Variants in NUTF2 observed in about 807,000 individuals in gnomAD.
The protein encoded by NUTF2 is nuclear transport factor 2.
NUTF2 carries 3 observed loss-of-function variants against 18.5 expected under a neutral mutation model. The observed-to-expected ratio is 0.16, with a 90% CI of 0.07 to 0.42. NUTF2 has a LOEUF of 0.42. Ranked by LOEUF, NUTF2 falls within the 10% of genes least tolerant of loss-of-function variation. The pLI is 0.99. For missense variants in NUTF2, 44 were observed against 160.7 expected (o/e 0.27, Z 3.93); for synonymous variants, 51 against 57.9 (o/e 0.88, Z 0.54).
intron 1 of NUTF2, among the ~76,000 whole-genome samples, chr16:67,859,867 T>G (rs886543939): frequency 1.1e-4 from 15 of 142,300 alleles, no homozygotes; most frequent in African/African-American, 3.8e-4. Flanking sequence ...ATGCCGTGGG[T>G]CGTTCTTAGC....
chr16:67,858,428 A>T (rs1420416712), intron 1 of NUTF2, among the ~76,000 whole-genome samples: 1 of 152,148 alleles, frequency 6.6e-6, no homozygotes, highest in African/African-American at 2.4e-5. Flanking sequence ...CAGCCTCCCA[A>T]AGTGCTGGGA....
intron 1 of NUTF2, among the ~76,000 whole-genome samples, chr16:67,853,081 C>CA (rs1814445333): frequency 6.6e-6 from 1 of 151,632 alleles, no homozygotes; most frequent in South Asian, 2.1e-4. Flanking sequence ...ACTCTTTTAC[C>CA]AACAGTGAGA....
intron 1 of NUTF2, among the ~76,000 whole-genome samples, chr16:67,863,548 C>T (rs2151299126): frequency 6.6e-6 from 1 of 152,298 alleles, no homozygotes; most frequent in South Asian, 2.1e-4. Context: ...GAGCTGAGGG[C>T]TTTATCATGT....
At chr16:67,868,648 G>T (rs765177155) in intron 4 of NUTF2, 49 bp downstream of exon 4, 5 of 1,528,592 alleles carry the variant, frequency 3.3e-6, no homozygotes, top group Non-Finnish European at 4.5e-6. Context: ...GCAGAGGAGA[G>T]TCTTGTACCC....
At chr16:67,868,726 G>A (rs1020563937) in intron 4 of NUTF2, 127 bp downstream of exon 4, 11 of 826,504 alleles carry the variant, frequency 1.3e-5, no homozygotes, top group Admixed American at 4.7e-5. Context: ...CTAGAGCTGC[G>A]TAGTTCAGTA....
chr16:67,859,967 T>C, intron 1 of NUTF2, among the ~76,000 whole-genome samples: 1 of 151,264 alleles, frequency 6.6e-6, no homozygotes, highest in East Asian at 1.9e-4. Context: ...CATGGCCAGA[T>C]ATTTTATTAT....
Position 67,865,082 on chromosome 16 carries a change from TG to T in NUTF2, c.-29-18del. The stretch of plus-strand genomic sequence containing the variant: ...TCTCATGGTACCAATGCTTCCCTCC[TG>T]GTCTCATTGGTCTTGCAGGTCTCCG... On this transcript the variant is annotated intron_variant, in intron 1 of 4. Transcript: ENST00000219169. 1 of 1,262,580 alleles carries T rather than the reference TG, an allele frequency of 7.9e-7. No individual in the cohort carries two copies. The highest frequency in any genetic ancestry group is 1.2e-6 in the Non-Finnish European group (1 of 865,226). The allele number at this position is 1,262,580 out of a possible 1,614,324, so 78.2% of individuals were successfully genotyped here.
chr16:67,865,071 T>C (rs1834712761), intron 1 of NUTF2, 31 bp from the exon 2 acceptor site: 1 of 1,168,496 alleles, frequency 8.6e-7, no homozygotes, highest in Non-Finnish European at 1.3e-6. Flanking sequence ...ATGGTACCAA[T>C]GCTTCCCTCC....
At chr16:67,861,607 G>A (rs749965797) in intron 1 of NUTF2, among the ~76,000 whole-genome samples, 1 of 152,186 alleles carries the variant, frequency 6.6e-6, no homozygotes, top group Non-Finnish European at 1.5e-5. Flanking sequence ...GGTCATCAGA[G>A]TCTTTTCTGC....
At chr16:67,860,407 T>G (rs1453342791) in intron 1 of NUTF2, among the ~76,000 whole-genome samples, 1 of 152,198 alleles carries the variant, frequency 6.6e-6, no homozygotes, top group Non-Finnish European at 1.5e-5. Flanking sequence ...CCTGAGTAGC[T>G]GAGACTAAAG....
intron 1 of NUTF2, among the ~76,000 whole-genome samples, chr16:67,857,179 T>C (rs2057903576): frequency 6.6e-6 from 1 of 152,202 alleles, no homozygotes; most frequent in Non-Finnish European, 1.5e-5. Context: ...TGAGGCTCAG[T>C]TCACAGATGG....
intron 1 of NUTF2, among the ~76,000 whole-genome samples, chr16:67,860,980 G>A (rs1319269309): frequency 1.3e-5 from 2 of 152,238 alleles, no homozygotes; most frequent in African/African-American, 4.8e-5. Context: ...TTCTGCCTGA[G>A]GCCTTTGTTT....
intron 1 of NUTF2, chr16:67,855,887 C>CG (rs796843812): frequency 0.044 from 8,122 of 185,192 alleles, 108 homozygotes; most frequent in African/African-American, 0.08. Context: ...TTTTTTTTGG[C>CG]GGGGGGGGGG....
At chr16:67,848,220 C>T (rs1464648629) in intron 1 of NUTF2, among the ~76,000 whole-genome samples, 1 of 152,130 alleles carries the variant, frequency 6.6e-6, no homozygotes, top group South Asian at 2.1e-4. Context: ...CAGAGAAGAC[C>T]TTGGGACTAG....
intron 1 of NUTF2, among the ~76,000 whole-genome samples, chr16:67,851,748 G>A (rs1312847542): frequency 6.6e-6 from 1 of 152,070 alleles, no homozygotes; most frequent in East Asian, 1.9e-4. Context: ...GGGCGCAGTG[G>A]CTCACGCCTG....
intron 1 of NUTF2, among the ~76,000 whole-genome samples, chr16:67,863,204 G>T (rs2057946425): frequency 6.6e-6 from 1 of 152,196 alleles, no homozygotes; most frequent in Admixed American, 6.5e-5. Flanking sequence ...CCCACTTGTT[G>T]ATTTCTTTCT....
chr16:67,856,186 AG>A, intron 1 of NUTF2: 1 of 321,848 alleles, frequency 3.1e-6, no homozygotes. Context: ...CATCTCGGCC[AG>A]TTTTTTTTTG....
chr16:67,866,268 T>G (rs552745682), intron 2 of NUTF2, among the ~76,000 whole-genome samples: 1 of 152,112 alleles, frequency 6.6e-6, no homozygotes, highest in Non-Finnish European at 1.5e-5. Flanking sequence ...GGAAGACCAA[T>G]TCCAGCACAG....
intron 1 of NUTF2, among the ~76,000 whole-genome samples, chr16:67,854,915 C>G (rs913809656): frequency 5.9e-5 from 9 of 152,026 alleles, no homozygotes; most frequent in African/African-American, 2.2e-4. Context: ...GCACTCCAGC[C>G]TGGGCGACAA....
Sources: allele counts gnomAD v4.1 joint callset (sites outside exome capture counted in the v4.1 genomes callset), GRCh38; gene constraint gnomAD v4.1.1; transcripts MANE v1.5; gene names NCBI Gene and HGNC (gene_info 2026-07-23, HGNC 2026-07-21).